PRDM2: variants seen among roughly 807,000 people sequenced by gnomAD.
PRDM2 encodes PR domain zinc finger protein 2.
PRDM2 carries 30 observed loss-of-function variants against 130.0 expected under a neutral mutation model. That is an observed-to-expected ratio of 0.23 (90% CI 0.17 to 0.31). The LOEUF (loss-of-function observed/expected upper bound fraction) is 0.31. Among genes scored for constraint, PRDM2 ranks in the 10% least tolerant of loss-of-function variants. The pLI, the probability that PRDM2 is intolerant of heterozygous loss-of-function variation, is 1.00. For missense variants in PRDM2, 2,011 were observed against 2,108.4 expected, an observed-to-expected ratio of 0.95 and a Z score of 0.90; for synonymous variants, 871 against 782.4, an observed-to-expected ratio of 1.11 and a Z score of -1.89.
At position 13,780,126 on chromosome 1, in the gene PRDM2, T is replaced by G; in HGVS notation, c.2331T>G (p.Ser777Arg). ...GLTSKKSKLE[S>R]HSDSPAWSLS... ...CTTCCAAAAAATCCAAATTAGAAAGTCACAGCGACTCACCAGCATGGAGTT... is the reference window on the plus strand; with the variant it reads ...CTTCCAAAAAATCCAAATTAGAAAGGCACAGCGACTCACCAGCATGGAGTT... The change falls in exon 8 of 10, where the codon AGT becomes AGG. Residue 777 changes from serine to arginine, a missense_variant. Around this residue, in one of 5 missense-constraint regions of PRDM2, gnomAD observed 1,288 missense variants for 1,237.7 expected, o/e 1.04. Coordinates refer to ENST00000311066, the MANE Select transcript of PRDM2 (RefSeq NM_001393986.1). 1 of 1,611,160 alleles carries G rather than the reference T, an allele frequency of 6.2e-7. No individual in the cohort carries two copies. Among genetic ancestry groups the G allele is most frequent in the Non-Finnish European group, 8.5e-7 (1 of 1,177,980 alleles).
chr1:13,731,048 G>A lies in PRDM2; in HGVS notation c.58G>A (p.Glu20Lys). The A allele has an allele frequency of 6.2e-7, 1 of 1,611,694 alleles. No homozygotes were observed. Among genetic ancestry groups the A allele is most frequent in the Non-Finnish European group, 8.5e-7 (1 of 1,179,222 alleles). Reference sequence around the variant, plus strand: ...CACCGAGACCCTGGCTGAGGTACCCGAACATGTGCTGCGAGGACTTCCGGA... The same window carrying A: ...CACCGAGACCCTGGCTGAGGTACCCAAACATGTGCTGCGAGGACTTCCGGA... ...AATETLAEVP[E>K]HVLRGLPEEV... The change falls in exon 3 of 10, where the codon GAA (glutamate) becomes AAA (lysine). Residue 20 changes from glutamate to lysine, a missense_variant. Physicochemically the swap from Glu to Lys is moderately conservative, Grantham distance 56. Coordinates refer to ENST00000311066, the MANE Select transcript of PRDM2 (RefSeq NM_001393986.1).
At position 13,778,698 on chromosome 1, in the gene PRDM2, T is replaced by C; in HGVS notation, c.903T>C (p.Asn301=). 2.5e-6 allele frequency: 4 copies of C among 1,614,044 alleles called. No individual in the cohort carries two copies. The highest frequency in any genetic ancestry group is 3.4e-6 in the Non-Finnish European group (4 of 1,180,022). Residue 301 remains asparagine, a synonymous_variant, in exon 8 of 10, where the codon AAT becomes AAC. Transcript: ENST00000311066. ...GGGAAGAAGAAGCCAGCATGCCAAA[T>C]GAAAATTCTGTGAAAGAGCCAGAAA... ...DEGEEEASMP[N]ENSVKEPEIR...
intron 1 of PRDM2, among the ~76,000 whole-genome samples, chr1:13,714,176 T>C (rs1642464530): frequency 6.6e-6 from 1 of 152,156 alleles, no homozygotes; most frequent in Non-Finnish European, 1.5e-5. Context: ...GCCCAAAATA[T>C]ACATTTTTAA....
intron 9 of PRDM2, among the ~76,000 whole-genome samples, chr1:13,822,684 G>A (rs2744684): frequency 0.76 from 114,878 of 151,912 alleles, 43,610 homozygotes; most frequent in Middle Eastern, 0.83. Context: ...GAGCCACCGC[G>A]CCTGGCCGAG....
chr1:13,726,562 G>C (rs1468023117), intron 2 of PRDM2, among the ~76,000 whole-genome samples: 1 of 152,212 alleles, frequency 6.6e-6, no homozygotes, highest in African/African-American at 2.4e-5. Flanking sequence ...AGACGCTTTG[G>C]CGATTAATTG....
chr1:13,734,332 C>G (rs1643201947), intron 4 of PRDM2, among the ~76,000 whole-genome samples: 1 of 152,162 alleles, frequency 6.6e-6, no homozygotes, highest in Non-Finnish European at 1.5e-5. Context: ...CCAAGGGAAA[C>G]TAACAAATTG....
At chr1:13,772,385 G>A (rs1644379589) in intron 6 of PRDM2, among the ~76,000 whole-genome samples, 1 of 152,152 alleles carries the variant, frequency 6.6e-6, no homozygotes, top group African/African-American at 2.4e-5. Flanking sequence ...ATCTTACCTT[G>A]TAAACGTATG....
rs1166547263 is a variant in PRDM2, at chr1:13,715,594, C to T, written c.-12C>T. 9.4e-6 allele frequency: 15 copies of T among 1,588,614 alleles called. No individual in the cohort carries two copies. Among genetic ancestry groups the T allele is most frequent in the Admixed American group, 1.8e-5 (1 of 55,690 alleles). ...TTGTGTGTATCTTTACAGAACACAA[C>T]AGGAATTGAAAATGAATCAGGTGAG... On this transcript the variant is annotated 5_prime_UTR_variant, in exon 2 of 10. Transcript: ENST00000311066.
intron 6 of PRDM2, among the ~76,000 whole-genome samples, chr1:13,757,995 G>C (rs1644000760): frequency 6.6e-6 from 1 of 152,026 alleles, no homozygotes; most frequent in Non-Finnish European, 1.5e-5. Flanking sequence ...GGAGGGGCAC[G>C]CGTTGATTTC....
chr1:13,780,910 C>T lies in PRDM2; in HGVS notation c.3115C>T (p.Pro1039Ser), dbSNP rs1315543761. The change falls in exon 8 of 10, where the codon CCC becomes TCC. Residue 1039 changes from proline (P) to serine (S), a missense_variant. Around this residue, in one of 5 missense-constraint regions of PRDM2, gnomAD observed 1,288 missense variants for 1,237.7 expected, o/e 1.04. Coordinates refer to ENST00000311066, the MANE Select transcript of PRDM2 (RefSeq NM_001393986.1). ...TCCCTCTCCCATTCCTCCCGTGGAGCCCCTGATGTCTGCCGCCTCACCCGG... is the reference window on the plus strand; with the variant it reads ...TCCCTCTCCCATTCCTCCCGTGGAGTCCCTGATGTCTGCCGCCTCACCCGG... ...PSPSPIPPVE[P>S]LMSAASPGPP... is the part of the protein sequence containing the mutation. The T allele has an allele frequency of 1.2e-6, 2 of 1,613,190 alleles. No homozygotes were observed. Among genetic ancestry groups the T allele is most frequent in the Non-Finnish European group, 1.7e-6 (2 of 1,179,462 alleles).
chr1:13,753,433 C>T (rs1380648052), intron 6 of PRDM2, among the ~76,000 whole-genome samples: 3 of 152,198 alleles, frequency 2.0e-5, no homozygotes, highest in African/African-American at 7.2e-5. Context: ...TTATAATCAG[C>T]TTAGCAAAGT....
At chr1:13,750,129 C>T (rs546984779) in intron 6 of PRDM2, among the ~76,000 whole-genome samples, 1 of 152,268 alleles carries the variant, frequency 6.6e-6, no homozygotes, top group African/African-American at 2.4e-5. Context: ...CATAGTTTTA[C>T]GACTTCTGAT....
intron 8 of PRDM2, among the ~76,000 whole-genome samples, chr1:13,794,187 C>T (rs549919431): frequency 9.8e-5 from 15 of 152,296 alleles, no homozygotes; most frequent in African/African-American, 2.6e-4. Flanking sequence ...AATGTAGGTA[C>T]GGGCATTGGC....
chr1:13,782,410 T>C lies in PRDM2; in HGVS notation c.4615T>C (p.Ser1539Pro). 4.3e-6 allele frequency: 7 copies of C among 1,613,550 alleles called. No individual in the cohort carries two copies. Among genetic ancestry groups the C allele is most frequent in the Non-Finnish European group, 5.9e-6 (7 of 1,179,984 alleles). ...GTTGGGCAAGACCAGAGCCCGCAGCTCAGGCCCCACCCAAGTCCCACTTCC... is the reference window on the plus strand; with the variant it reads ...GTTGGGCAAGACCAGAGCCCGCAGCCCAGGCCCCACCCAAGTCCCACTTCC... ...TPLGKTRARS[S>P]GPTQVPLPSS... The change falls in exon 8 of 10, where the codon TCA (serine) becomes CCA (proline). Residue 1539 changes from serine to proline, a missense_variant. Physicochemically the swap from Ser to Pro is moderately conservative, Grantham distance 74. Around this residue, in one of 5 missense-constraint regions of PRDM2, gnomAD observed 410 missense variants for 395.9 expected, o/e 1.04. Transcript: ENST00000311066.
intron 7 of PRDM2, chr1:13,773,769 A>G (rs1324470700): frequency 1.3e-5 from 2 of 152,220 alleles, no homozygotes; most frequent in Non-Finnish European, 2.9e-5. Context: ...TAAAAATAGC[A>G]TGAAGTTCAA....
chr1:13,738,455 G>A (rs1643337940), intron 4 of PRDM2, among the ~76,000 whole-genome samples: 1 of 152,208 alleles, frequency 6.6e-6, no homozygotes, highest in South Asian at 2.1e-4. Flanking sequence ...AACATTTGTT[G>A]TGCATTTGTT....
intron 6 of PRDM2, among the ~76,000 whole-genome samples, chr1:13,764,434 T>G (rs1270049353): frequency 1.3e-5 from 2 of 152,262 alleles, no homozygotes; most frequent in African/African-American, 4.8e-5. Flanking sequence ...CAAATCATTT[T>G]GTTCATGCCA....
At chr1:13,746,770 T>G (rs1643623698) in intron 5 of PRDM2, among the ~76,000 whole-genome samples, 1 of 152,176 alleles carries the variant, frequency 6.6e-6, no homozygotes, top group South Asian at 2.1e-4. Context: ...TTGCCCAGGC[T>G]GGTCTCAAAC....
At chr1:13,802,906 A>G (rs1170786885) in intron 8 of PRDM2, among the ~76,000 whole-genome samples, 2 of 152,252 alleles carry the variant, frequency 1.3e-5, no homozygotes, top group Non-Finnish European at 2.9e-5. Context: ...GCCTAGAACC[A>G]GGTGGCTGCA....
Sources: gnomAD v4.1 joint callset for allele counts (sites outside exome capture counted in the v4.1 genomes callset) on GRCh38, gnomAD v4.1.1 for gene constraint, gnomAD v4.1.1 regional missense constraint, MANE v1.5 for transcripts, NCBI Gene and HGNC (gene_info 2026-07-23, HGNC 2026-07-21) for gene names.